The following GRIN2A variants were observed in gnomAD, a reference collection of about 807,000 sequenced individuals.
The protein encoded by GRIN2A is glutamate ionotropic receptor NMDA type subunit 2A, also known as glutamate receptor ionotropic, NMDA 2A.
A neutral mutation model predicts 113.4 loss-of-function variants in GRIN2A; 22 were observed. The ratio of observed to expected loss-of-function variants is 0.19; its 90% CI spans 0.14 to 0.28. The LOEUF (loss-of-function observed/expected upper bound fraction) is 0.28. Among genes scored for constraint, GRIN2A ranks in the 10% least tolerant of loss-of-function variants. The probability of loss-of-function intolerance (pLI) is 1.00; values close to 1 mark genes in which losing one functional copy is unlikely to be tolerated. For synonymous variants in GRIN2A, 827 were observed against 738.4 expected, an observed-to-expected ratio of 1.12 and a Z score of -1.94; for missense variants, 1,502 against 1,887.0, an observed-to-expected ratio of 0.80 and a Z score of 3.78.
chr16:9,947,696 A>C (rs919634385), intron 2 of GRIN2A, among the ~76,000 whole-genome samples: 1 of 152,210 alleles, frequency 6.6e-6, no homozygotes, highest in African/African-American at 2.4e-5. Context: ...CACTGGTACC[A>C]AATAGAGGGT....
chr16:10,068,999 A>G (rs2047700839), intron 2 of GRIN2A, among the ~76,000 whole-genome samples: 1 of 152,142 alleles, frequency 6.6e-6, no homozygotes, highest in Admixed American at 6.5e-5. Flanking sequence ...GCAGGTGGCA[A>G]GAGGAGAGGG....
chr16:9,876,144 G>A (rs986059750), intron 4 of GRIN2A, among the ~76,000 whole-genome samples: 9 of 152,036 alleles, frequency 5.9e-5, no homozygotes, highest in South Asian at 2.1e-4. Context: ...AAAACCCCTC[G>A]TGGCTTGGAT....
At chr16:10,165,201 A>G (rs1596569543) in intron 2 of GRIN2A, among the ~76,000 whole-genome samples, 2 of 152,304 alleles carry the variant, frequency 1.3e-5, no homozygotes, top group South Asian at 4.1e-4. Flanking sequence ...AATAGAAAAC[A>G]TAGAAGATAA....
intron 11 of GRIN2A, among the ~76,000 whole-genome samples, chr16:9,772,231 C>G (rs1797333088): frequency 6.6e-6 from 1 of 152,192 alleles, no homozygotes. Context: ...TGTCCACCAA[C>G]ACTATCTCAA....
intron 2 of GRIN2A, among the ~76,000 whole-genome samples, chr16:9,994,409 A>G (rs1354547404): frequency 6.6e-6 from 1 of 152,140 alleles, no homozygotes; most frequent in Non-Finnish European, 1.5e-5. Context: ...CCTCGTCCCC[A>G]GGTGGGAGGT....
At chr16:10,112,817 G>C (rs557031551) in intron 2 of GRIN2A, 2 of 649,568 alleles carry the variant, frequency 3.1e-6, no homozygotes, top group Non-Finnish European at 5.8e-6. Context: ...TTGAGAAGTG[G>C]ACCATGTCAG....
intron 3 of GRIN2A, among the ~76,000 whole-genome samples, chr16:9,921,491 T>G (rs2044358242): frequency 6.6e-6 from 1 of 152,208 alleles, no homozygotes; most frequent in Middle Eastern, 3.2e-3. Flanking sequence ...GGAAGGTCAT[T>G]CTTCTCTCTG....
chr16:10,083,326 G>A (rs1418555620), intron 2 of GRIN2A, among the ~76,000 whole-genome samples: 1 of 152,202 alleles, frequency 6.6e-6, no homozygotes, highest in Non-Finnish European at 1.5e-5. Context: ...GACGTGTGTG[G>A]CCCCTGGGAG....
chr16:10,111,793 G>A, intron 2 of GRIN2A: 1 of 1,422,546 alleles, frequency 7.0e-7, no homozygotes, highest in Non-Finnish European at 9.8e-7. Context: ...GATCCGGCAT[G>A]GCTTCTCTTG....
chr16:9,969,140 G>C (rs968610641), intron 2 of GRIN2A, among the ~76,000 whole-genome samples: 1 of 152,022 alleles, frequency 6.6e-6, no homozygotes, highest in African/African-American at 2.4e-5. Flanking sequence ...TAGACACAGG[G>C]AGTCAATGGC....
chr16:9,862,894 C>T (rs1420020686), intron 4 of GRIN2A, among the ~76,000 whole-genome samples: 1 of 152,120 alleles, frequency 6.6e-6, no homozygotes, highest in Admixed American at 6.6e-5. Context: ...CCATGGGCTG[C>T]AATAATAATT....
At chr16:9,888,304 GTTTA>G (rs2043626363) in intron 4 of GRIN2A, among the ~76,000 whole-genome samples, 7 of 152,194 alleles carry the variant, frequency 4.6e-5, no homozygotes. Flanking sequence ...ATGAAGTACA[GTTTA>G]TTTACTGCTT....
chr16:10,072,946 C>CTTTTTT (rs34432023), intron 2 of GRIN2A, among the ~76,000 whole-genome samples: 5 of 104,226 alleles, frequency 4.8e-5, no homozygotes, highest in Admixed American at 1.1e-4. Context: ...ACAAGACCCC[C>CTTTTTT]TTTTTTTTTT....
At chr16:10,157,934 A>G (rs194355) in intron 2 of GRIN2A, among the ~76,000 whole-genome samples, 42,196 of 152,042 alleles carry the variant, frequency 0.28, 6,400 homozygotes, top group South Asian at 0.41. Context: ...TCTGCTTATC[A>G]TAAGTGAAAC....
At chr16:10,120,028 G>C (rs2048804960) in intron 2 of GRIN2A, among the ~76,000 whole-genome samples, 1 of 152,144 alleles carries the variant, frequency 6.6e-6, no homozygotes, top group South Asian at 2.1e-4. Context: ...ATTGTGAATA[G>C]GGCTGCAGAA....
intron 3 of GRIN2A, among the ~76,000 whole-genome samples, chr16:9,924,693 C>T (rs960764929): frequency 1.8e-5 from 2 of 113,116 alleles, no homozygotes; most frequent in African/African-American, 3.7e-5. Flanking sequence ...AATCCTCAGT[C>T]GTGCTCAATG....
intron 2 of GRIN2A, among the ~76,000 whole-genome samples, chr16:10,068,503 G>T (rs561613414): frequency 2.6e-5 from 4 of 152,162 alleles, no homozygotes; most frequent in Non-Finnish European, 1.5e-5. Flanking sequence ...TAAATGACCA[G>T]ATCTCAAAGT....
In GRIN2A at chr16:10,102,197, G is replaced by A. The variant is rs1179207391; in HGVS notation, c.414+77801C>T. On this transcript the variant is annotated intron_variant, in intron 2 of 12. Coordinates refer to ENST00000330684, the MANE Select transcript of GRIN2A (RefSeq NM_001134407.3). Reference sequence around the variant, plus strand: ...AATGTCACCTCCAGTGTTGGAGGTAGGGCCTGGCGGGAGGCCATTAGATCA... The same window carrying A: ...AATGTCACCTCCAGTGTTGGAGGTAAGGCCTGGCGGGAGGCCATTAGATCA... 2.6e-5 allele frequency among the ~76,000 whole-genome samples: 4 copies of A among 152,264 alleles called. No individual in the cohort carries two copies. In the South Asian group the frequency reaches 8.3e-4, roughly 32 times the overall value.
intron 2 of GRIN2A, among the ~76,000 whole-genome samples, chr16:10,065,671 T>C (rs964023483): frequency 1.3e-5 from 2 of 152,214 alleles, no homozygotes; most frequent in African/African-American, 4.8e-5. Flanking sequence ...TCTTGACTTG[T>C]AGCGTGTGCT....
Sources: allele counts gnomAD v4.1 joint callset (sites outside exome capture counted in the v4.1 genomes callset), GRCh38; gene constraint gnomAD v4.1.1; transcripts MANE v1.5; gene names NCBI Gene and HGNC (gene_info 2026-07-23, HGNC 2026-07-21).